HSDL2: variants seen among roughly 807,000 people sequenced by gnomAD.
The protein encoded by HSDL2 is hydroxysteroid dehydrogenase like 2, also known as hydroxysteroid dehydrogenase-like protein 2.
HSDL2 carries 27 observed loss-of-function variants against 46.3 expected under a neutral mutation model. That is an observed-to-expected ratio of 0.58 (90% CI 0.43 to 0.80). HSDL2 has a LOEUF of 0.80. Ranked by LOEUF, HSDL2 falls within the 30% of genes least tolerant of loss-of-function variation. HSDL2 has a pLI of 0.00. For missense variants in HSDL2, 451 were observed against 502.7 expected, an observed-to-expected ratio of 0.90 and a Z score of 0.98; for synonymous variants, 153 against 163.6, an observed-to-expected ratio of 0.94 and a Z score of 0.50.
chr9:112,447,909 G>T (rs1832788151), intron 8 of HSDL2, among the ~76,000 whole-genome samples: 1 of 152,202 alleles, frequency 6.6e-6, no homozygotes, highest in Non-Finnish European at 1.5e-5. Context: ...TCACCATCAT[G>T]AGTTTTTTGT....
intron 9 of HSDL2, among the ~76,000 whole-genome samples, chr9:112,456,584 C>T (rs543275349): frequency 2.6e-5 from 4 of 152,260 alleles, no homozygotes; most frequent in Middle Eastern, 3.4e-3. Context: ...TCAGCACTCT[C>T]GACACTCTAT....
intron 4 of HSDL2, chr9:112,414,045 AC>A (rs1442880068): frequency 1.3e-5 from 3 of 223,122 alleles, no homozygotes; most frequent in Admixed American, 4.9e-5. Context: ...CGGTAAAAAC[AC>A]CTTCAAATAA....
chr9:112,456,630 C>T (rs962584796), intron 9 of HSDL2, among the ~76,000 whole-genome samples: 1 of 152,178 alleles, frequency 6.6e-6, no homozygotes, highest in Admixed American at 6.5e-5. Context: ...CAACCATTCA[C>T]GCGGCTTCAA....
chr9:112,471,296 T>C lies in HSDL2; in HGVS notation c.*752T>C, dbSNP rs1833568692. 1 of 152,130 alleles carries C rather than the reference T, an allele frequency of 6.6e-6. No individual in the cohort carries two copies. Among genetic ancestry groups the C allele is most frequent in the South Asian group, 2.1e-4 (1 of 4,814 alleles). The allele number at this position is 152,130 out of a possible 1,614,324, so 9.4% of individuals were successfully genotyped here. ...GTATCCCCCAATTCATTTGTTGAGG[T>C]CCTAACTCCCATTTCTTTTGAATGT... On this transcript the variant is annotated 3_prime_UTR_variant, in exon 11 of 11. Transcript: ENST00000398805.
chr9:112,447,428 G>C (rs1832779769), intron 8 of HSDL2, among the ~76,000 whole-genome samples: 2 of 152,024 alleles, frequency 1.3e-5, no homozygotes, highest in African/African-American at 4.8e-5. Context: ...CAATCTCCTT[G>C]GCACCTCATA....
intron 10 of HSDL2, among the ~76,000 whole-genome samples, chr9:112,461,705 T>C (rs895920041): frequency 6.6e-6 from 1 of 152,182 alleles, no homozygotes; most frequent in Non-Finnish European, 1.5e-5. Context: ...AATTAAATAA[T>C]AAGCCCAAGG....
intron 6 of HSDL2, among the ~76,000 whole-genome samples, chr9:112,432,314 C>A (rs1445830332): frequency 6.6e-6 from 1 of 152,212 alleles, no homozygotes; most frequent in East Asian, 1.9e-4. Flanking sequence ...CTTCACATCA[C>A]TTACACCGTT....
intron 8 of HSDL2, among the ~76,000 whole-genome samples, chr9:112,449,634 C>G (rs1211844736): frequency 1.3e-5 from 2 of 152,022 alleles, no homozygotes; most frequent in Non-Finnish European, 2.9e-5. Flanking sequence ...GAGGCTGAGG[C>G]AGGCGGATTG....
chr9:112,460,204 G>A (rs2132705703), intron 10 of HSDL2, among the ~76,000 whole-genome samples: 1 of 152,294 alleles, frequency 6.6e-6, no homozygotes, highest in South Asian at 2.1e-4. Flanking sequence ...TTGAAACTAA[G>A]CATAACATCC....
At position 112,404,093 on chromosome 9, in the gene HSDL2, T is replaced by C; in HGVS notation, c.116T>C (p.Ile39Thr). 6.2e-7 allele frequency: 1 copy of C among 1,614,192 alleles called. No homozygotes were observed. Among genetic ancestry groups the C allele is most frequent in the Non-Finnish European group, 8.5e-7 (1 of 1,180,016 alleles). ...KAAKDGANIV[I>T]AAKTAQPHPK... ...GCAAAGGATGGAGCAAATATTGTTA[T>C]TGCTGCAAAGACCGCCCAGCCACAT... The change falls in exon 2 of 11, where the codon ATT becomes ACT. Residue 39 changes from isoleucine to threonine, a missense_variant. Coordinates refer to ENST00000398805, the MANE Select transcript of HSDL2 (RefSeq NM_032303.5).
At chr9:112,465,453 A>T (rs1833347318) in intron 10 of HSDL2, among the ~76,000 whole-genome samples, 1 of 152,192 alleles carries the variant, frequency 6.6e-6, no homozygotes, top group Non-Finnish European at 1.5e-5. Context: ...TAAAGTGTAC[A>T]GTTCAGTGAC....
chr9:112,458,973 T>TC (rs1278018211), intron 9 of HSDL2, among the ~76,000 whole-genome samples: 2 of 147,478 alleles, frequency 1.4e-5, no homozygotes, highest in Admixed American at 6.9e-5. Context: ...AGAGCTAGAC[T>TC]CCATCTCCAA....
At chr9:112,431,073 T>A (rs201838353) in intron 6 of HSDL2, among the ~76,000 whole-genome samples, 152 of 137,182 alleles carry the variant, frequency 1.1e-3, no homozygotes, top group African/African-American at 3.7e-3. Context: ...AAAAAAAAAA[T>A]TTAAAAAAAA....
chr9:112,399,243 C>T (rs1831533307), intron 1 of HSDL2, among the ~76,000 whole-genome samples: 1 of 152,144 alleles, frequency 6.6e-6, no homozygotes. Context: ...GTGATGCCCA[C>T]CTGAGTCTCA....
rs1258495164 is a variant in HSDL2 at position 112,418,849 on chromosome 9, G to T, written c.500-11G>T. 4 of 1,421,240 alleles carry T rather than the reference G, an allele frequency of 2.8e-6. No individual in the cohort carries two copies. Among genetic ancestry groups the T allele is most frequent in the East Asian group, 2.4e-5 (1 of 41,988 alleles). 88.0% of individuals were successfully genotyped at this position (1,421,240 alleles called of 1,614,324 possible). ...TTATAATTAAATTATTATTTTTTGT[G>T]GTTCTTTCAGCTTATACCATTGCTA... On this transcript the variant is annotated splice_polypyrimidine_tract_variant and intron_variant, in intron 5 of 10. Coordinates refer to ENST00000398805, the MANE Select transcript of HSDL2 (RefSeq NM_032303.5).
rs548118147 is a variant in HSDL2, at chr9:112,468,982, G to A, written c.1145-1450G>A. On this transcript the variant is annotated intron_variant, in intron 10 of 10. Coordinates refer to ENST00000398805, the MANE Select transcript of HSDL2 (RefSeq NM_032303.5). ...AGGACACCCAGATGTCTGTATCTGTGTTTTTGGACGGGCTGTTCTGTTCCT... is the reference window on the plus strand; with the variant it reads ...AGGACACCCAGATGTCTGTATCTGTATTTTTGGACGGGCTGTTCTGTTCCT... Among the ~76,000 whole-genome samples, 4 of 152,250 alleles carry A rather than the reference G, an allele frequency of 2.6e-5. No homozygotes were observed. In the South Asian group the frequency reaches 8.3e-4, roughly 32 times the overall value.
chr9:112,397,928 T>G (rs1237071344), intron 1 of HSDL2, among the ~76,000 whole-genome samples: 1 of 152,154 alleles, frequency 6.6e-6, no homozygotes, highest in Non-Finnish European at 1.5e-5. Flanking sequence ...CACTGGGAGA[T>G]TCCAGCACGA....
intron 1 of HSDL2, among the ~76,000 whole-genome samples, chr9:112,391,787 C>A (rs1342518336): frequency 6.6e-6 from 1 of 151,488 alleles, no homozygotes; most frequent in Non-Finnish European, 1.5e-5. Flanking sequence ...CGCCTGTAAT[C>A]CCAGCTACTT....
chr9:112,447,008 T>G (rs1832772359), intron 8 of HSDL2, among the ~76,000 whole-genome samples: 1 of 152,226 alleles, frequency 6.6e-6, no homozygotes, highest in Admixed American at 6.5e-5. Context: ...GAGACCTGTC[T>G]TTCTGGGGCT....
Sources: gnomAD v4.1 joint callset for allele counts (sites outside exome capture counted in the v4.1 genomes callset) on GRCh38, gnomAD v4.1.1 for gene constraint, MANE v1.5 for transcripts, NCBI Gene and HGNC (gene_info 2026-07-23, HGNC 2026-07-21) for gene names.